The following NKAIN2 variants were observed in gnomAD, a reference collection of about 807,000 sequenced individuals.
NKAIN2 encodes the protein sodium/potassium-transporting ATPase subunit beta-1-interacting protein 2.
In NKAIN2, 14 loss-of-function variants were observed where a neutral mutation model predicts 32.6. That is an observed-to-expected ratio of 0.43 (90% CI 0.28 to 0.67). The LOEUF (loss-of-function observed/expected upper bound fraction) is 0.67. Among genes scored for constraint, NKAIN2 ranks in the 30% least tolerant of loss-of-function variants. The pLI is 0.17. For missense variants in NKAIN2, 198 were observed against 258.3 expected, an observed-to-expected ratio of 0.77 and a Z score of 1.60; for synonymous variants, 80 against 87.2, an observed-to-expected ratio of 0.92 and a Z score of 0.46.
At chr6:124,753,085 A>C (rs1342508199) in intron 4 of NKAIN2, among the ~76,000 whole-genome samples, 1 of 152,084 alleles carries the variant, frequency 6.6e-6, no homozygotes, top group African/African-American at 2.4e-5. Flanking sequence ...ATCAGTGTGA[A>C]ATTCTGTTGT....
chr6:124,057,632 C>G (rs542501395), intron 1 of NKAIN2, among the ~76,000 whole-genome samples: 9 of 151,616 alleles, frequency 5.9e-5, no homozygotes, highest in Non-Finnish European at 7.4e-5. Flanking sequence ...GTTAAATGCC[C>G]TCCTCTTTTT....
At position 123,820,681 on chromosome 6, in the gene NKAIN2, A is replaced by G. The variant is rs1773887106; in HGVS notation, c.54+16427A>G. On this transcript the variant is annotated intron_variant, in intron 1 of 6. Coordinates refer to ENST00000368417, the MANE Select transcript of NKAIN2 (RefSeq NM_001040214.3). Reference sequence around the variant, plus strand: ...CATGAGTGGAGATCACAGGTTTACCAGAAGTATATTTATTTATGTATCTTG... The same window carrying G: ...CATGAGTGGAGATCACAGGTTTACCGGAAGTATATTTATTTATGTATCTTG... Among the ~76,000 whole-genome samples the G allele has an allele frequency of 1.3e-5, 2 of 152,168 alleles. 1 individual carries two copies. The highest frequency in any genetic ancestry group is 1.3e-4 in the Admixed American group (2 of 15,272).
chr6:124,476,065 AGTGT>A (rs61191593), intron 3 of NKAIN2, among the ~76,000 whole-genome samples: 10,609 of 132,334 alleles, frequency 0.08, 420 homozygotes, highest in East Asian at 0.23. Context: ...AGAGAGAGAG[AGTGT>A]GTGTGTGTGT....
intron 1 of NKAIN2, among the ~76,000 whole-genome samples, chr6:123,993,752 T>C (rs1160549398): frequency 6.6e-6 from 1 of 152,202 alleles, no homozygotes; most frequent in Non-Finnish European, 1.5e-5. Context: ...AGAACATCTT[T>C]TATGTCCATG....
intron 6 of NKAIN2, among the ~76,000 whole-genome samples, chr6:124,821,174 A>G (rs1404679297): frequency 1.3e-5 from 2 of 152,076 alleles, no homozygotes; most frequent in African/African-American, 4.8e-5. Flanking sequence ...GCACGCCTGT[A>G]ATCCCAGTTA....
chr6:124,351,508 C>CAAAAAAA (rs397956239), intron 2 of NKAIN2, among the ~76,000 whole-genome samples: 1 of 109,026 alleles, frequency 9.2e-6, no homozygotes, highest in East Asian at 2.7e-4. Context: ...TCAAAAAAAC[C>CAAAAAAA]AAAAAAAAAA....
At chr6:124,051,208 C>T (rs1782382847) in intron 1 of NKAIN2, among the ~76,000 whole-genome samples, 1 of 151,988 alleles carries the variant, frequency 6.6e-6, no homozygotes, top group Non-Finnish European at 1.5e-5. Context: ...TAAACTTCCC[C>T]TTAGAGCCTC....
chr6:123,864,992 A>G (rs904256383), intron 1 of NKAIN2, among the ~76,000 whole-genome samples: 3 of 152,128 alleles, frequency 2.0e-5, no homozygotes, highest in African/African-American at 7.2e-5. Flanking sequence ...CTCCAAGAAT[A>G]TGTTCACATT....
At chr6:123,998,743 C>CTGTGTGTGTG (rs34410164) in intron 1 of NKAIN2, among the ~76,000 whole-genome samples, 40 of 134,226 alleles carry the variant, frequency 3.0e-4, no homozygotes, top group African/African-American at 1.0e-3. Context: ...CTCTCTCTCT[C>CTGTGTGTGTG]TGTGTGTGTG....
chr6:124,361,819 A>T lies in NKAIN2; in HGVS notation c.273+6472A>T, dbSNP rs148207758. ...CTATAGGGAACAAATCCTTAAAACC[A>T]GATGCAAGTGCAATGTGGAATAATG... On this transcript the variant is annotated intron_variant, in intron 3 of 6. Coordinates refer to ENST00000368417, the MANE Select transcript of NKAIN2 (RefSeq NM_001040214.3). 1.2e-3 allele frequency among the ~76,000 whole-genome samples: 182 copies of T among 152,254 alleles called. 1 individual carries two copies. The highest frequency in any genetic ancestry group is 9.1e-3 in the South Asian group (44 of 4,828).
intron 3 of NKAIN2, among the ~76,000 whole-genome samples, chr6:124,559,286 A>G (rs1333872813): frequency 2.6e-5 from 4 of 152,166 alleles, no homozygotes; most frequent in Non-Finnish European, 5.9e-5. Context: ...AATGGCCAAT[A>G]TAATAAGTGA....
chr6:124,100,399 T>C (rs1249544885), intron 1 of NKAIN2, among the ~76,000 whole-genome samples: 1 of 151,988 alleles, frequency 6.6e-6, no homozygotes, highest in Non-Finnish European at 1.5e-5. Context: ...TTCAGACACA[T>C]GTGTAATTCC....
chr6:123,950,665 T>A (rs1777284504), intron 1 of NKAIN2, among the ~76,000 whole-genome samples: 1 of 151,966 alleles, frequency 6.6e-6, no homozygotes, highest in East Asian at 1.9e-4. Context: ...ATTTCTGATT[T>A]TGTTTGAGTC....
At chr6:124,503,342 C>T (rs958845936) in intron 3 of NKAIN2, among the ~76,000 whole-genome samples, 3 of 151,894 alleles carry the variant, frequency 2.0e-5, no homozygotes, top group African/African-American at 7.3e-5. Flanking sequence ...CTTCCAGGTA[C>T]ATTCATAGAG....
At chr6:124,371,708 A>AG (rs1562136453) in intron 3 of NKAIN2, among the ~76,000 whole-genome samples, 1 of 151,492 alleles carries the variant, frequency 6.6e-6, no homozygotes, top group Non-Finnish European at 1.5e-5. Context: ...AAAAAAAAAA[A>AG]AAAAGAAAGA....
chr6:124,353,711 C>T (rs10872281), intron 2 of NKAIN2, among the ~76,000 whole-genome samples: 32,330 of 151,274 alleles, frequency 0.21, 3,587 homozygotes, highest in Admixed American at 0.29. Context: ...GCCGAGATCG[C>T]GCCACTGCAC....
At chr6:124,615,089 T>C (rs535262328) in intron 3 of NKAIN2, among the ~76,000 whole-genome samples, 11 of 152,314 alleles carry the variant, frequency 7.2e-5, no homozygotes, top group African/African-American at 2.4e-4. Flanking sequence ...TCGCACTAAT[T>C]TCTATACTTG....
intron 3 of NKAIN2, among the ~76,000 whole-genome samples, chr6:124,512,917 T>C (rs1778769333): frequency 1.3e-5 from 2 of 152,068 alleles, no homozygotes; most frequent in Admixed American, 6.6e-5. Flanking sequence ...TGTTTAAAAA[T>C]AGCAAGACAT....
chr6:124,007,584 C>T (rs1780128829), intron 1 of NKAIN2, among the ~76,000 whole-genome samples: 1 of 152,154 alleles, frequency 6.6e-6, no homozygotes, highest in African/African-American at 2.4e-5. Context: ...ATTCTTAAGG[C>T]AGGATTAAGG....
Sources: allele counts gnomAD v4.1 joint callset (sites outside exome capture counted in the v4.1 genomes callset), GRCh38; gene constraint gnomAD v4.1.1; transcripts MANE v1.5; gene names NCBI Gene and HGNC (gene_info 2026-07-23, HGNC 2026-07-21).